Variants in ITCH observed in about 807,000 individuals in gnomAD.
The protein encoded by ITCH is itchy E3 ubiquitin protein ligase.
A neutral mutation model predicts 126.8 loss-of-function variants in ITCH; 28 were observed. That is an observed-to-expected ratio of 0.22 (90% confidence interval 0.16 to 0.30). ITCH has a LOEUF of 0.30. ITCH is among the 10% of genes least tolerant of loss of function. The pLI is 1.00. For synonymous variants in ITCH, 342 were observed against 340.0 expected (o/e 1.01, Z -0.06); for missense variants, 631 against 1,032.4 (o/e 0.61, Z 5.33).
intron 2 of ITCH, among the ~76,000 whole-genome samples, chr20:34,385,686 T>C (rs1414284249): frequency 6.6e-6 from 1 of 152,214 alleles, no homozygotes; most frequent in Non-Finnish European, 1.5e-5. Flanking sequence ...TCTGTGTTCA[T>C]ACTGTTGAAC....
At chr20:34,444,767 C>T (rs542220977) in intron 10 of ITCH, among the ~76,000 whole-genome samples, 9 of 152,188 alleles carry the variant, frequency 5.9e-5, no homozygotes, top group African/African-American at 1.9e-4. Flanking sequence ...CAGCGTCCCG[C>T]GTAGCTGGGA....
rs755622231 is a variant in ITCH at position 34,440,179 on chromosome 20, C to T, written c.704C>T (p.Ala235Val). ...GCATCTGTCAATGGTTCACCATCTG[C>T]CACTTCTGAAAGTGATGGGTCTAGT... ...RPASVNGSPS[A>V]TSESDGSSTG... The change falls in exon 9 of 25, where the codon GCC (alanine) becomes GTC (valine). Residue 235 changes from alanine (A) to valine (V), a missense_variant. Ala to Val is a moderately conservative substitution (Grantham distance 64). Around this residue, in one of 4 missense-constraint regions of ITCH, gnomAD observed 220 missense variants for 265.7 expected, o/e 0.83. Coordinates refer to ENST00000374864, the MANE Select transcript of ITCH (RefSeq NM_031483.7). The T allele has an allele frequency of 6.2e-7, 1 of 1,613,052 alleles. No homozygotes were observed. Among genetic ancestry groups the T allele is most frequent in the Non-Finnish European group, 8.5e-7 (1 of 1,179,030 alleles).
At chr20:34,462,628 A>G (rs180878379) in intron 14 of ITCH, among the ~76,000 whole-genome samples, 2 of 152,322 alleles carry the variant, frequency 1.3e-5, no homozygotes, top group Admixed American at 6.5e-5. Context: ...GTGGGAAAAT[A>G]TATAACCTAA....
At chr20:34,445,012 TA>T (rs2146304729) in intron 10 of ITCH, among the ~76,000 whole-genome samples, 1 of 152,308 alleles carries the variant, frequency 6.6e-6, no homozygotes, top group African/African-American at 2.4e-5. Context: ...ATTGAAACAG[TA>T]AAAACAACAT....
chr20:34,511,178 C>G lies in ITCH; in HGVS notation c.*3384C>G, dbSNP rs1326628109. ...TTATTTACTTTGTTTGTATAATTTG[C>G]TTTCATTAACTAAAAATGGAATTGG... is the stretch of plus-strand genomic sequence containing the variant. On this transcript the variant is annotated 3_prime_UTR_variant, in exon 25 of 25. Coordinates refer to ENST00000374864, the MANE Select transcript of ITCH (RefSeq NM_031483.7). 1.3e-5 allele frequency: 2 copies of G among 151,980 alleles called. No homozygotes were observed. Among genetic ancestry groups the G allele is most frequent in the Non-Finnish European group, 2.9e-5 (2 of 67,982 alleles). The allele number at this position is 151,980 out of a possible 1,614,324, so 9.4% of individuals were successfully genotyped here.
intron 14 of ITCH, among the ~76,000 whole-genome samples, chr20:34,462,953 C>G (rs1205779495): frequency 6.6e-6 from 1 of 152,184 alleles, no homozygotes; most frequent in Non-Finnish European, 1.5e-5. Flanking sequence ...CTTATTGAAG[C>G]TGAATAATAT....
At chr20:34,408,468 A>G (rs551732955) in intron 3 of ITCH, among the ~76,000 whole-genome samples, 183 bp from the exon 4 acceptor site, 12 of 152,336 alleles carry the variant, frequency 7.9e-5, no homozygotes, top group Non-Finnish European at 1.3e-4. Flanking sequence ...GGGAACCTCT[A>G]TATTTATTTA....
chr20:34,413,713 A>AT lies in ITCH; in HGVS notation c.338-23dup, dbSNP rs778709100. On this transcript the variant is annotated intron_variant, in intron 5 of 24. Coordinates refer to ENST00000374864, the MANE Select transcript of ITCH (RefSeq NM_031483.7). ...TGCCTTAACTGGGAAAAAAGTGACC[A>AT]TTTTTTCTGTAACTTTATTTTCTTC... is the stretch of plus-strand genomic sequence containing the variant. 24 of 1,589,792 alleles carry AT rather than the reference A, an allele frequency of 1.5e-5. No homozygotes were observed. In the South Asian group the frequency reaches 1.8e-4, roughly 12 times the overall value.
At chr20:34,493,456 G>A (rs1310384249) in intron 23 of ITCH, among the ~76,000 whole-genome samples, 1 of 152,044 alleles carries the variant, frequency 6.6e-6, no homozygotes. Context: ...AGGACCTAGA[G>A]ATAAGAAGAA....
At chr20:34,384,279 C>CTTTTTTTTTTTTTTTTTT (rs35124886) in intron 2 of ITCH, 1 of 103,812 alleles carries the variant, frequency 9.6e-6, no homozygotes, top group Non-Finnish European at 1.8e-5. Context: ...GCCTGTAATT[C>CTTTTTTTTTTTTTTTTTT]TTTTTTTTTT....
At chr20:34,502,482 G>A (rs925129997) in intron 23 of ITCH, among the ~76,000 whole-genome samples, 3 of 152,010 alleles carry the variant, frequency 2.0e-5, no homozygotes, top group Non-Finnish European at 2.9e-5. Context: ...AGGCCGAGAC[G>A]GTTGGGTCAC....
At chr20:34,470,487 C>T (rs538963640) in intron 15 of ITCH, among the ~76,000 whole-genome samples, 1 of 151,784 alleles carries the variant, frequency 6.6e-6, no homozygotes, top group African/African-American at 2.4e-5. Context: ...TCTGAATAAG[C>T]AAACATTGTC....
rs753651739 is a variant in ITCH at position 34,489,374 on chromosome 20, A to G, written c.2202A>G (p.Ala734=). 3 of 1,613,296 alleles carry G rather than the reference A, an allele frequency of 1.9e-6. No homozygotes were observed. Among genetic ancestry groups the G allele is most frequent in the Non-Finnish European group, 2.5e-6 (3 of 1,179,556 alleles). ...LPQQYLQYFD[A]KELEVLLCGM... ...AGCAATATTTGCAATACTTTGATGC[A>G]AAGGAATTAGAGGTAATGAATTTTC... Residue 734 remains alanine, a synonymous_variant, in exon 21 of 25, where the codon GCA becomes GCG. Coordinates refer to ENST00000374864, the MANE Select transcript of ITCH (RefSeq NM_031483.7).
At chr20:34,414,305 A>G (rs1233638659) in intron 6 of ITCH, among the ~76,000 whole-genome samples, 2 of 152,272 alleles carry the variant, frequency 1.3e-5, no homozygotes, top group East Asian at 3.9e-4. Context: ...ATTTGCCTCC[A>G]TGAGTAATGA....
chr20:34,422,367 G>A (rs2146212348), intron 6 of ITCH, among the ~76,000 whole-genome samples: 1 of 152,158 alleles, frequency 6.6e-6, no homozygotes, highest in East Asian at 1.9e-4. Flanking sequence ...AGACTTAAAT[G>A]GATTATTCCT....
chr20:34,406,957 T>C (rs1425807333), intron 3 of ITCH, among the ~76,000 whole-genome samples: 1 of 151,964 alleles, frequency 6.6e-6, no homozygotes, highest in African/African-American at 2.4e-5. Context: ...GGTGGTGGAG[T>C]AGATAACCTG....
chr20:34,444,408 AC>A (rs1279331317), intron 10 of ITCH, among the ~76,000 whole-genome samples: 1 of 151,996 alleles, frequency 6.6e-6, no homozygotes, highest in Non-Finnish European at 1.5e-5. Flanking sequence ...ACATGGAGAA[AC>A]CCTGTCTCTA....
chr20:34,428,075 T>TTG (rs891542462), intron 7 of ITCH, among the ~76,000 whole-genome samples: 1 of 152,196 alleles, frequency 6.6e-6, no homozygotes, highest in Non-Finnish European at 1.5e-5. Flanking sequence ...TGACAAATCT[T>TTG]TGAGTATGTC....
intron 3 of ITCH, among the ~76,000 whole-genome samples, chr20:34,407,294 G>C (rs566174447): frequency 1.4e-3 from 213 of 151,816 alleles, no homozygotes; most frequent in Non-Finnish European, 1.4e-3. Context: ...TGATACGTAG[G>C]CTCACTCTGT....
Sources: gnomAD v4.1 joint callset for allele counts (sites outside exome capture counted in the v4.1 genomes callset) on GRCh38, gnomAD v4.1.1 for gene constraint, gnomAD v4.1.1 regional missense constraint, MANE v1.5 for transcripts, NCBI Gene and HGNC (gene_info 2026-07-23, HGNC 2026-07-21) for gene names.